The following GPX7 variants were observed in gnomAD, a reference collection of about 807,000 sequenced individuals.
GPX7 encodes the protein glutathione peroxidase 7.
Under a neutral mutation model 23.7 loss-of-function variants are expected in GPX7, and 21 were observed. The ratio of observed to expected loss-of-function variants is 0.89; its 90% confidence interval spans 0.63 to 1.28. The LOEUF is 1.28. Among genes scored for constraint, GPX7 ranks in the 50% most tolerant of loss-of-function variants. The probability of loss-of-function intolerance (pLI) is 0.00; values close to 1 mark genes in which losing one functional copy is unlikely to be tolerated. For missense variants in GPX7, 238 were observed against 237.3 expected (o/e 1.00, Z -0.02); for synonymous variants, 112 against 101.8 (o/e 1.10, Z -0.61).
chr1:52,607,564 T>C (rs1458695562), intron 2 of GPX7, among the ~76,000 whole-genome samples: 3 of 152,214 alleles, frequency 2.0e-5, no homozygotes, highest in Non-Finnish European at 2.9e-5. Flanking sequence ...CATTTTTGCC[T>C]TTTCTGATTC....
rs147503960 is a variant in GPX7 at position 52,607,097 on chromosome 1, A to G, written c.400+152A>G. The G allele has an allele frequency of 3.6e-4, 270 of 751,154 alleles. No individual in the cohort carries two copies. In the African/African-American group the frequency reaches 4.1e-3, roughly 11 times the overall value. 46.5% of individuals were successfully genotyped at this position (751,154 alleles called of 1,614,324 possible). On this transcript the variant is annotated intron_variant, in intron 2 of 2. Transcript: ENST00000361314. Reference sequence around the variant, plus strand: ...TGGACTGATGCTTTGTTCCAGCACTAATCTTTGAGGAGAGTGGAGGCAGGT... The same window carrying G: ...TGGACTGATGCTTTGTTCCAGCACTGATCTTTGAGGAGAGTGGAGGCAGGT...
At chr1:52,606,239 C>T (rs1690850611) in intron 1 of GPX7, among the ~76,000 whole-genome samples, 1 of 152,156 alleles carries the variant, frequency 6.6e-6, no homozygotes, top group South Asian at 2.1e-4. Context: ...TGCTAGCTGA[C>T]TGAGCCAAAA....
rs200063703 is a variant in GPX7 at position 52,606,705 on chromosome 1, G to A, written c.160G>A (p.Ala54Thr). ...RGSVSLVVNV[A>T]SECGFTDQHY... Reference sequence around the variant, plus strand: ...ACAGGTGTCCCTGGTGGTGAATGTGGCCAGCGAGTGCGGCTTCACAGACCA... The same window carrying A: ...ACAGGTGTCCCTGGTGGTGAATGTGACCAGCGAGTGCGGCTTCACAGACCA... The change falls in exon 2 of 3, where the codon GCC becomes ACC. Residue 54 changes from alanine to threonine, a missense_variant. Coordinates refer to ENST00000361314, the MANE Select transcript of GPX7 (RefSeq NM_015696.5). The A allele has an allele frequency of 2.1e-4, 337 of 1,613,778 alleles. 6 individuals carry two copies. The South Asian group carries it at 2.2e-3, about 10-fold the overall frequency.
chr1:52,608,147 G>A, intron 2 of GPX7, 115 bp from the exon 3 acceptor site: 2 of 906,380 alleles, frequency 2.2e-6, no homozygotes, highest in Non-Finnish European at 3.4e-6. Context: ...AGTGGTCTGG[G>A]GTGTGGACTG....
chr1:52,606,801 T>C lies in GPX7; in HGVS notation c.256T>C (p.Cys86Arg), dbSNP rs775385601. ...PHHFNVLAFP[C>R]NQFGQQEPDS... ...CCACTTTAACGTGCTCGCCTTCCCC[T>C]GCAACCAGTTTGGCCAACAGGAGCC... The change falls in exon 2 of 3, where the codon TGC (cysteine) becomes CGC (arginine). Residue 86 changes from cysteine (C) to arginine (R), a missense_variant. Physicochemically the swap from Cys to Arg is radical, Grantham distance 180. Transcript: ENST00000361314. 6.2e-7 allele frequency: 1 copy of C among 1,614,054 alleles called. No individual in the cohort carries two copies. The highest frequency in any genetic ancestry group is 1.3e-5 in the African/African-American group (1 of 74,922).
At chr1:52,607,019 C>A (rs1690861847) in intron 2 of GPX7, 74 bp downstream of exon 2, 19 of 1,535,218 alleles carry the variant, frequency 1.2e-5, no homozygotes, top group Non-Finnish European at 1.7e-5. Context: ...GCAGCAGAAG[C>A]CACTGGCTGG....
intron 1 of GPX7, among the ~76,000 whole-genome samples, chr1:52,606,220 A>G (rs990933112): frequency 1.8e-4 from 27 of 152,126 alleles, no homozygotes; most frequent in African/African-American, 6.0e-4. Flanking sequence ...CACAGTGCAG[A>G]GTGGCGAGTG....
intron 2 of GPX7, 47 bp downstream of exon 2, chr1:52,606,992 A>G (rs760096227): frequency 1.3e-6 from 2 of 1,591,202 alleles, no homozygotes; most frequent in Admixed American, 1.7e-5. Flanking sequence ...TAGCTGGCTG[A>G]GGCCATGGCT....
chr1:52,606,584 G>A (rs778868826), intron 1 of GPX7, 100 bp from the exon 2 acceptor site: 1 of 1,335,222 alleles, frequency 7.5e-7, no homozygotes, highest in Non-Finnish European at 1.0e-6. Context: ...AGTATTAACT[G>A]TTGAGGGAGT....
intron 1 of GPX7, among the ~76,000 whole-genome samples, chr1:52,602,996 G>A (rs1184976751): frequency 7.3e-6 from 1 of 136,464 alleles, no homozygotes; most frequent in Non-Finnish European, 1.6e-5. Flanking sequence ...GAAGAACACT[G>A]TGGAGATCAA....
Position 52,608,620 on chromosome 1 carries a change from C to A in GPX7, c.*195C>A. On this transcript the variant is annotated 3_prime_UTR_variant, in exon 3 of 3. Transcript: ENST00000361314. ...TGAATCTTACAGCAACAAATAGGAACTCCTGGCCAATGAGAGCTCTTGACC... is the reference window on the plus strand; with the variant it reads ...TGAATCTTACAGCAACAAATAGGAAATCCTGGCCAATGAGAGCTCTTGACC... 2.5e-6 allele frequency: 1 copy of A among 396,156 alleles called. No homozygotes were observed. Among genetic ancestry groups the A allele is most frequent in the Non-Finnish European group, 4.4e-6 (1 of 226,626 alleles). The allele number at this position is 396,156 out of a possible 1,614,324, so 24.5% of individuals were successfully genotyped here.
rs1176353227 is a variant in GPX7 at position 52,606,718 on chromosome 1, G to A, written c.173G>A (p.Gly58Asp). 5.0e-6 allele frequency: 8 copies of A among 1,613,930 alleles called. No individual in the cohort carries two copies. Among genetic ancestry groups the A allele is most frequent in the Non-Finnish European group, 5.9e-6 (7 of 1,180,034 alleles). Residue 58 changes from glycine (G) to aspartate (D), a missense_variant, in exon 2 of 3, where the codon GGC (glycine) becomes GAC (aspartate). Physicochemically the swap from Gly to Asp is moderately conservative, Grantham distance 94 (BLOSUM62 -1). Transcript: ENST00000361314. ...SLVVNVASEC[G>D]FTDQHYRALQ... ...GTGGTGAATGTGGCCAGCGAGTGCG[G>A]CTTCACAGACCAGCACTACCGAGCC...
rs537458579 is a variant in GPX7 at position 52,608,432 on chromosome 1, C to T, written c.*7C>T. ...GAAGCGAGAAGACTTATAACCACCG[C>T]GTCTCCTCCTCCACCACCTCATCCC... is the stretch of plus-strand genomic sequence containing the variant. On this transcript the variant is annotated 3_prime_UTR_variant, in exon 3 of 3. Transcript: ENST00000361314. The T allele has an allele frequency of 2.1e-5, 33 of 1,596,628 alleles. No individual in the cohort carries two copies. Among genetic ancestry groups the T allele is most frequent in the South Asian group, 1.4e-4 (12 of 88,344 alleles).
In GPX7 at chr1:52,602,510, G is replaced by T. The variant is rs763735633; in HGVS notation, c.101G>T (p.Arg34Leu). ...DFYDFKAVNI[R>L]GKLVSLEKYR... is the part of the protein sequence containing the mutation. Reference sequence around the variant, plus strand: ...TACGACTTCAAGGCGGTCAACATCCGGGGCAAACTGGTGTCGCTGGAGAAG... The same window carrying T: ...TACGACTTCAAGGCGGTCAACATCCTGGGCAAACTGGTGTCGCTGGAGAAG... The change falls in exon 1 of 3, where the codon CGG becomes CTG. Residue 34 changes from arginine (R) to leucine (L), a missense_variant. By Grantham distance (102) the Arg-to-Leu change is moderately radical (BLOSUM62 -2). Coordinates refer to ENST00000361314, the MANE Select transcript of GPX7 (RefSeq NM_015696.5). 1.3e-6 allele frequency: 2 copies of T among 1,564,076 alleles called. No individual in the cohort carries two copies. The highest frequency in any genetic ancestry group is 1.7e-6 in the Non-Finnish European group (2 of 1,159,508).
chr1:52,608,135 G>A (rs1690874550), intron 2 of GPX7, 127 bp from the exon 3 acceptor site: 1 of 709,980 alleles, frequency 1.4e-6, no homozygotes. Flanking sequence ...GATTCTGGTT[G>A]GAGTGGTCTG....
In GPX7 at chr1:52,606,964, A is replaced by T; in HGVS notation, c.400+19A>T. 3 of 1,611,342 alleles carry T rather than the reference A, an allele frequency of 1.9e-6. No individual in the cohort carries two copies. The highest frequency in any genetic ancestry group is 2.5e-6 in the Non-Finnish European group (3 of 1,177,980). On this transcript the variant is annotated intron_variant, in intron 2 of 2. Transcript: ENST00000361314. ...CTGGCCCGTAAGTCCTGGTCTCTTCATCCCCTCACACCTCCCTTAGCTGGC... is the reference window on the plus strand; with the variant it reads ...CTGGCCCGTAAGTCCTGGTCTCTTCTTCCCCTCACACCTCCCTTAGCTGGC...
chr1:52,605,016 G>A (rs1690840016), intron 1 of GPX7, among the ~76,000 whole-genome samples: 1 of 130,830 alleles, frequency 7.6e-6, no homozygotes, highest in Non-Finnish European at 1.5e-5. Flanking sequence ...CTGCACTCCA[G>A]CCTTGGTAAC....
At chr1:52,603,559 G>C (rs868587166) in intron 1 of GPX7, among the ~76,000 whole-genome samples, 13 of 152,270 alleles carry the variant, frequency 8.5e-5, no homozygotes, top group African/African-American at 2.6e-4. Context: ...CTGGGGACTG[G>C]TGTGAAATGG....
At position 52,608,449 on chromosome 1, in the gene GPX7, C is replaced by T; in HGVS notation, c.*24C>T. 1 of 1,578,198 alleles carries T rather than the reference C, an allele frequency of 6.3e-7. No homozygotes were observed. Among genetic ancestry groups the T allele is most frequent in the South Asian group, 1.2e-5 (1 of 84,404 alleles). ...AACCACCGCGTCTCCTCCTCCACCACCTCATCCCGCCCACCTGTGTGGGGC... is the reference window on the plus strand; with the variant it reads ...AACCACCGCGTCTCCTCCTCCACCATCTCATCCCGCCCACCTGTGTGGGGC... On this transcript the variant is annotated 3_prime_UTR_variant, in exon 3 of 3. Transcript: ENST00000361314.
Sources: allele counts gnomAD v4.1 joint callset (sites outside exome capture counted in the v4.1 genomes callset), GRCh38; gene constraint gnomAD v4.1.1; transcripts MANE v1.5; gene names NCBI Gene and HGNC (gene_info 2026-07-23, HGNC 2026-07-21).